The following TMTC1 variants were observed in gnomAD, a reference collection of about 807,000 sequenced individuals.
TMTC1 encodes the protein protein O-mannosyl-transferase TMTC1.
TMTC1 carries 73 observed loss-of-function variants against 104.8 expected under a neutral mutation model. The ratio of observed to expected loss-of-function variants is 0.70; its 90% CI spans 0.58 to 0.85. TMTC1 has a LOEUF of 0.85. Among genes scored for constraint, TMTC1 ranks in the 40% least tolerant of loss-of-function variants. The pLI is 0.00. For missense variants in TMTC1, 1,035 were observed against 1,096.1 expected (o/e 0.94, Z 0.79); for synonymous variants, 434 against 428.7 (o/e 1.01, Z -0.15).
rs553815104 is a variant in TMTC1, at chr12:29,690,935, T to C, written c.939-57599A>G. On this transcript the variant is annotated intron_variant, in intron 5 of 17. Transcript: ENST00000539277. ...GACATAACCAACTCCATCTTGCTTC[T>C]AACTTTTAAGCTGTCCTTGTTCATT... Among the ~76,000 whole-genome samples, 3 of 152,350 alleles carry C rather than the reference T, an allele frequency of 2.0e-5. No homozygotes were observed. The South Asian group carries it at 6.2e-4, about 32-fold the overall frequency.
intron 6 of TMTC1, among the ~76,000 whole-genome samples, chr12:29,624,978 T>C (rs1380221781): frequency 6.6e-6 from 1 of 152,224 alleles, no homozygotes; most frequent in Non-Finnish European, 1.5e-5. Flanking sequence ...ACTCACTGCA[T>C]ACGCTTGTTT....
At chr12:29,749,876 T>C (rs1446095068) in intron 5 of TMTC1, among the ~76,000 whole-genome samples, 3 of 152,018 alleles carry the variant, frequency 2.0e-5, no homozygotes, top group Non-Finnish European at 2.9e-5. Context: ...ATCAGAAATG[T>C]ATCTCAAATC....
intron 5 of TMTC1, among the ~76,000 whole-genome samples, chr12:29,728,292 G>C (rs1942454699): frequency 6.6e-6 from 1 of 152,094 alleles, no homozygotes; most frequent in South Asian, 2.1e-4. Flanking sequence ...CAGTCCAGAG[G>C]CTCAGGAGCT....
At chr12:29,514,695 G>A (rs914935923) in intron 15 of TMTC1, 91 bp from the exon 16 acceptor site, 1 of 1,355,470 alleles carries the variant, frequency 7.4e-7, no homozygotes, top group African/African-American at 1.5e-5. Context: ...TTGTTCCTAT[G>A]TGTCAGCAGG....
At chr12:29,559,351 T>C (rs1020052597) in intron 9 of TMTC1, among the ~76,000 whole-genome samples, 1 of 152,212 alleles carries the variant, frequency 6.6e-6, no homozygotes, top group African/African-American at 2.4e-5. Context: ...CCCAACTTCC[T>C]GAATTTTATA....
chr12:29,733,495 T>A (rs1234481112), intron 5 of TMTC1, among the ~76,000 whole-genome samples: 1 of 152,206 alleles, frequency 6.6e-6, no homozygotes, highest in Non-Finnish European at 1.5e-5. Flanking sequence ...ATCACATTAT[T>A]TTTATGCCTA....
At chr12:29,532,881 G>A (rs1277289940) in intron 11 of TMTC1, 2 of 151,966 alleles carry the variant, frequency 1.3e-5, no homozygotes, top group Non-Finnish European at 2.9e-5. Context: ...TTTTCTTAGG[G>A]GTTCTGACCT....
At chr12:29,702,158 A>G (rs917988134) in intron 5 of TMTC1, among the ~76,000 whole-genome samples, 2 of 152,176 alleles carry the variant, frequency 1.3e-5, no homozygotes, top group African/African-American at 4.8e-5. Flanking sequence ...CAACTTCATG[A>G]TACTGCCTTC....
intron 5 of TMTC1, among the ~76,000 whole-genome samples, chr12:29,694,870 G>A (rs1941370970): frequency 6.6e-6 from 1 of 152,138 alleles, no homozygotes; most frequent in South Asian, 2.1e-4. Context: ...AACCTGGGAG[G>A]CGGAGGTTGC....
intron 5 of TMTC1, among the ~76,000 whole-genome samples, chr12:29,669,243 A>G (rs1163027400): frequency 1.3e-5 from 2 of 152,240 alleles, no homozygotes; most frequent in Non-Finnish European, 2.9e-5. Context: ...AAAGAAGTCC[A>G]TATGGCTGGA....
intron 10 of TMTC1, among the ~76,000 whole-genome samples, chr12:29,553,234 G>A (rs1945153609): frequency 6.6e-6 from 1 of 152,238 alleles, no homozygotes; most frequent in Non-Finnish European, 1.5e-5. Flanking sequence ...GCCATGGCCT[G>A]AGCCAAGGTC....
chr12:29,711,139 T>C (rs1326836957), intron 5 of TMTC1, among the ~76,000 whole-genome samples: 1 of 151,410 alleles, frequency 6.6e-6, no homozygotes, highest in Non-Finnish European at 1.5e-5. Context: ...TGCACCACCA[T>C]GCCTGGGTAT....
At chr12:29,701,148 T>C (rs1231527706) in intron 5 of TMTC1, among the ~76,000 whole-genome samples, 1 of 152,066 alleles carries the variant, frequency 6.6e-6, no homozygotes, top group Non-Finnish European at 1.5e-5. Flanking sequence ...GATCAGTCGT[T>C]TGAAACACCA....
At chr12:29,612,986 G>T (rs1946883987) in intron 6 of TMTC1, among the ~76,000 whole-genome samples, 1 of 152,140 alleles carries the variant, frequency 6.6e-6, no homozygotes, top group South Asian at 2.1e-4. Context: ...AAGTGGACAG[G>T]TAAGTGGGTC....
In TMTC1 at chr12:29,501,353, T is replaced by C. The variant is rs575700003; in HGVS notation, c.*5493A>G. ...TTATCTCATCAGATGCATGGTGTTT[T>C]TCAATCCAGATTCAAGAGTAACTAT... is the stretch of plus-strand genomic sequence containing the variant. On this transcript the variant is annotated 3_prime_UTR_variant, in exon 18 of 18. Coordinates refer to ENST00000539277, the MANE Select transcript of TMTC1 (RefSeq NM_001193451.2). 4.7e-4 allele frequency: 71 copies of C among 152,324 alleles called. No homozygotes were observed. Among genetic ancestry groups the C allele is most frequent in the African/African-American group, 1.5e-3 (64 of 41,558 alleles). The allele number at this position is 152,324 out of a possible 1,614,324, so 9.4% of individuals were successfully genotyped here.
rs1941302627 is a variant in TMTC1, at chr12:29,692,807, C to T, written c.938+58859G>A. 1.4e-5 allele frequency among the ~76,000 whole-genome samples: 2 copies of T among 144,968 alleles called. 1 individual carries two copies. The highest frequency in any genetic ancestry group is 5.0e-5 in the African/African-American group (2 of 39,660). ...CAAAATACAAGTGAACACGATTCAG[C>T]AATAAAAATAGAAGAAAGTAGTAAT... On this transcript the variant is annotated intron_variant, in intron 5 of 17. Coordinates refer to ENST00000539277, the MANE Select transcript of TMTC1 (RefSeq NM_001193451.2).
At chr12:29,616,852 C>A (rs1469208893) in intron 6 of TMTC1, among the ~76,000 whole-genome samples, 1 of 152,002 alleles carries the variant, frequency 6.6e-6, no homozygotes, top group East Asian at 1.9e-4. Flanking sequence ...TTCTTGGCAT[C>A]GTTAAACCAT....
In TMTC1 at chr12:29,617,969, G is replaced by A. The variant is rs376156869; in HGVS notation, c.1129-13670C>T. 1.1e-4 allele frequency among the ~76,000 whole-genome samples: 17 copies of A among 152,316 alleles called. 1 individual carries two copies. In the South Asian group the frequency reaches 3.5e-3, roughly 32 times the overall value. On this transcript the variant is annotated intron_variant, in intron 6 of 17. Coordinates refer to ENST00000539277, the MANE Select transcript of TMTC1 (RefSeq NM_001193451.2). ...AAGTAATCACCCTGACCACTGTGTT[G>A]AGGAATAGACTGGACCTTGGCGCAA...
intron 6 of TMTC1, among the ~76,000 whole-genome samples, chr12:29,627,062 T>C (rs947959985): frequency 2.6e-5 from 4 of 151,858 alleles, no homozygotes; most frequent in Admixed American, 6.6e-5. Flanking sequence ...GATTGCGCCA[T>C]TGCACTCCAG....
Sources: allele counts gnomAD v4.1 joint callset (sites outside exome capture counted in the v4.1 genomes callset), GRCh38; gene constraint gnomAD v4.1.1; transcripts MANE v1.5; gene names NCBI Gene and HGNC (gene_info 2026-07-23, HGNC 2026-07-21).